The following ZNF568 variants were observed in gnomAD, a reference collection of about 807,000 sequenced individuals.
ZNF568 encodes the protein p53 inhibitor of SCO2 activation.
Under a neutral mutation model 18.1 loss-of-function variants are expected in ZNF568, and 11 were observed. The observed-to-expected ratio is 0.61, with a 90% CI of 0.38 to 1.00. The LOEUF is 1.00. ZNF568 is among the 50% of genes least tolerant of loss of function. ZNF568 has a pLI of 0.01. For missense variants in ZNF568, 639 were observed against 768.2 expected (o/e 0.83, Z 1.99); for synonymous variants, 213 against 246.6 (o/e 0.86, Z 1.28).
downstream of ZNF568, chr19:36,997,321 T>C: frequency 6.2e-7 from 1 of 1,601,304 alleles, no homozygotes. Flanking sequence ...TGGGAAGTCC[T>C]TTCGTCGTGG....
chr19:36,958,497 T>C (rs1375861282), intron 6 of ZNF568, among the ~76,000 whole-genome samples: 2 of 152,096 alleles, frequency 1.3e-5, no homozygotes, highest in Non-Finnish European at 2.9e-5. Context: ...TGACAGATTG[T>C]GTCTTTCAAG....
At chr19:36,957,219 CTTTTTTTTTT>C (rs56712509), downstream of ZNF568, among the ~76,000 whole-genome samples, 7 of 69,562 alleles carry the variant, frequency 1.0e-4, no homozygotes, top group East Asian at 6.2e-4. Context: ...CCAGACTGTT[CTTTTTTTTTT>C]TTTTTTTTTT....
At position 36,949,932 on chromosome 19, in the gene ZNF568, G is replaced by T. The variant is rs1568393250; in HGVS notation, c.779G>T (p.Ser260Ile). 6.2e-7 allele frequency: 1 copy of T among 1,613,846 alleles called. No homozygotes were observed. Among genetic ancestry groups the T allele is most frequent in the Admixed American group, 1.7e-5 (1 of 60,004 alleles). ...YECKECGKAF[S>I]RKENLITHQK... Reference sequence around the variant, plus strand: ...TGTAAAGAATGTGGAAAAGCCTTCAGTAGGAAGGAAAATCTTATTACACAT... The same window carrying T: ...TGTAAAGAATGTGGAAAAGCCTTCATTAGGAAGGAAAATCTTATTACACAT... Residue 260 changes from serine to isoleucine, a missense_variant, in exon 7 of 7, where the codon AGT becomes ATT. Physicochemically the swap from Ser to Ile is moderately radical, Grantham distance 142 (BLOSUM62 -2). Coordinates refer to ENST00000333987, the MANE Select transcript of ZNF568 (RefSeq NM_198539.4).
At chr19:36,981,624 C>T (rs2074332119), downstream of ZNF568, among the ~76,000 whole-genome samples, 1 of 152,028 alleles carries the variant, frequency 6.6e-6, no homozygotes. Flanking sequence ...CCTGTAACCC[C>T]AACACGTAAG....
chr19:36,921,079 A>G (rs1410202542), intron 2 of ZNF568, among the ~76,000 whole-genome samples: 2 of 152,218 alleles, frequency 1.3e-5, no homozygotes, highest in East Asian at 3.9e-4. Flanking sequence ...TATTTGCACA[A>G]TGATGAAATT....
chr19:36,968,861 C>CTTTTTTTTTTT (rs111450122), intron 6 of ZNF568, among the ~76,000 whole-genome samples: 1 of 147,608 alleles, frequency 6.8e-6, no homozygotes, highest in Non-Finnish European at 1.5e-5. Context: ...TGAATGAGTT[C>CTTTTTTTTTTT]TTTTTTTTTT....
At chr19:36,977,428 T>C (rs2074295331) in intron 7 of ZNF568, among the ~76,000 whole-genome samples, 1 of 152,044 alleles carries the variant, frequency 6.6e-6, no homozygotes, top group Non-Finnish European at 1.5e-5. Context: ...TTTTGTTTTG[T>C]TTTTTGTCCT....
rs781731841 is a variant in ZNF568, at chr19:36,936,852, A to G, written c.242A>G (p.Tyr81Cys). Residue 81 changes from tyrosine to cysteine, a missense_variant, in exon 5 of 7, where the codon TAC becomes TGC. By Grantham distance (194) the Tyr-to-Cys change is radical (BLOSUM62 -2). Transcript: ENST00000333987. Reference protein sequence around the residue: ...NLYRDVMLENYSNLVTVGCQV... With the variant: ...NLYRDVMLENCSNLVTVGCQV... Reference sequence around the variant, plus strand: ...TATCGAGATGTGATGCTGGAGAACTACAGCAACCTAGTCACAGTGGGTAAG... The same window carrying G: ...TATCGAGATGTGATGCTGGAGAACTGCAGCAACCTAGTCACAGTGGGTAAG... The G allele has an allele frequency of 1.9e-6, 3 of 1,613,936 alleles. No individual in the cohort carries two copies. In the South Asian group the frequency reaches 3.3e-5, roughly 18 times the overall value.
At chr19:36,929,047 G>A (rs1460673328) in intron 4 of ZNF568, among the ~76,000 whole-genome samples, 1 of 151,996 alleles carries the variant, frequency 6.6e-6, no homozygotes, top group Non-Finnish European at 1.5e-5. Flanking sequence ...GCCAGGAAAA[G>A]TATAAAAGAA....
intron 6 of ZNF568, among the ~76,000 whole-genome samples, chr19:36,966,837 A>T (rs1255258562): frequency 6.6e-6 from 1 of 152,192 alleles, no homozygotes; most frequent in Non-Finnish European, 1.5e-5. Flanking sequence ...GAGATCTTGC[A>T]TATCTGGCCT....
rs2073332801 is a variant in ZNF568, at chr19:36,916,421, C to T, written c.-426C>T. The T allele has an allele frequency of 6.5e-6, 1 of 153,216 alleles. No homozygotes were observed. The highest frequency in any genetic ancestry group is 6.5e-5 in the Admixed American group (1 of 15,330). The allele number at this position is 153,216 out of a possible 1,614,324, so 9.5% of individuals were successfully genotyped here. ...CTATCTGCGGGTCGCCTTCACCCAGCATCTCAGAAACTGCGCGCGGGATGA... is the reference window on the plus strand; with the variant it reads ...CTATCTGCGGGTCGCCTTCACCCAGTATCTCAGAAACTGCGCGCGGGATGA... On this transcript the variant is annotated 5_prime_UTR_variant, in exon 1 of 7. Coordinates refer to ENST00000333987, the MANE Select transcript of ZNF568 (RefSeq NM_198539.4). The surrounding 1 kb of genome is among the most constrained non-coding windows in gnomAD (Gnocchi z 5.3).
intron 2 of ZNF568, among the ~76,000 whole-genome samples, chr19:36,985,515 GTTTT>G (rs59071988): frequency 0.54 from 80,652 of 150,542 alleles, 21,934 homozygotes; most frequent in African/African-American, 0.63. Flanking sequence ...TTGTTTGTTT[GTTTT>G]GTTTTGTTTT....
intron 4 of ZNF568, among the ~76,000 whole-genome samples, chr19:36,928,046 C>A (rs959984580): frequency 6.7e-6 from 1 of 148,912 alleles, no homozygotes; most frequent in Non-Finnish European, 1.5e-5. Flanking sequence ...TCCCAAGCAG[C>A]TGGGATTACA....
intron 6 of ZNF568, among the ~76,000 whole-genome samples, chr19:36,968,428 C>T (rs955971473): frequency 2.2e-5 from 3 of 134,082 alleles, no homozygotes; most frequent in African/African-American, 5.7e-5. Context: ...CAAAAATTAG[C>T]CGGGCGTGGT....
At chr19:36,975,718 T>C (rs111741272) in intron 7 of ZNF568, among the ~76,000 whole-genome samples, 2 of 112,726 alleles carry the variant, frequency 1.8e-5, no homozygotes, top group Admixed American at 1.1e-4. Flanking sequence ...AGAGTCTTGC[T>C]CTGTCACTCA....
intron 2 of ZNF568, among the ~76,000 whole-genome samples, chr19:36,918,169 C>A (rs2073385318): frequency 6.6e-6 from 1 of 151,880 alleles, no homozygotes; most frequent in Admixed American, 6.6e-5. Flanking sequence ...CATGGTAGAT[C>A]TCCTGACCTC....
At chr19:36,927,856 G>GTGTA (rs1180794739) in intron 4 of ZNF568, among the ~76,000 whole-genome samples, 10 of 31,266 alleles carry the variant, frequency 3.2e-4, no homozygotes, top group South Asian at 1.1e-3. Context: ...GTGTGTGTGT[G>GTGTA]TGTGTATATA....
rs2074274444 is a variant in ZNF568 at position 36,975,351 on chromosome 19, G to C, written c.405+885G>C. Among the ~76,000 whole-genome samples the C allele has an allele frequency of 3.3e-5, 5 of 150,396 alleles. No individual in the cohort carries two copies. The South Asian group carries it at 1.0e-3, about 32-fold the overall frequency. On this transcript the variant is annotated intron_variant, in intron 7 of 7. Coordinates refer to the ZNF568 transcript ENST00000427117. Reference sequence around the variant, plus strand: ...TTTAGTAGAGATGGGGTTTCACTGTGTTGGCCAGGATGGTCTCGATCTCCT... The same window carrying C: ...TTTAGTAGAGATGGGGTTTCACTGTCTTGGCCAGGATGGTCTCGATCTCCT...
intron 4 of ZNF568, 131 bp downstream of exon 4, chr19:36,925,389 A>C (rs1568380049): frequency 1.2e-6 from 1 of 811,328 alleles, no homozygotes; most frequent in Non-Finnish European, 2.0e-6. Flanking sequence ...CAGATAGAAA[A>C]TCAGAACCTG....
Sources: gnomAD v4.1 joint callset for allele counts (sites outside exome capture counted in the v4.1 genomes callset) on GRCh38, gnomAD v4.1.1 for gene constraint, Gnocchi (gnomAD v3.1) non-coding constraint, MANE v1.5 for transcripts, NCBI Gene and HGNC (gene_info 2026-07-23, HGNC 2026-07-21) for gene names.